Variants in PLEKHM3 observed in about 807,000 individuals in gnomAD.
PLEKHM3 encodes the protein pleckstrin homology domain-containing family M member 3.
A neutral mutation model predicts 81.8 loss-of-function variants in PLEKHM3; 45 were observed. The observed-to-expected ratio is 0.55, with a 90% CI of 0.43 to 0.71. The LOEUF is 0.71. PLEKHM3 is among the 30% of genes least tolerant of loss of function. The pLI is 0.00. For synonymous variants in PLEKHM3, 352 were observed against 356.4 expected (o/e 0.99, Z 0.14); for missense variants, 788 against 924.3 (o/e 0.85, Z 1.91).
intron 6 of PLEKHM3, among the ~76,000 whole-genome samples, chr2:207,869,109 T>G (rs1186379091): frequency 6.6e-6 from 1 of 152,226 alleles, no homozygotes; most frequent in African/African-American, 2.4e-5. Flanking sequence ...TACTTGTACT[T>G]AAATTAGTCA....
intron 7 of PLEKHM3, among the ~76,000 whole-genome samples, chr2:207,854,964 G>A (rs2105801869): frequency 6.6e-6 from 1 of 152,308 alleles, no homozygotes; most frequent in East Asian, 1.9e-4. Flanking sequence ...TAAAAGCCAA[G>A]TCTCACAAAA....
intron 4 of PLEKHM3, among the ~76,000 whole-genome samples, chr2:207,944,262 C>A (rs1397365993): frequency 6.6e-6 from 1 of 152,102 alleles, no homozygotes; most frequent in African/African-American, 2.4e-5. Context: ...GGAGTATGGT[C>A]CATCTGGTCA....
intron 6 of PLEKHM3, among the ~76,000 whole-genome samples, chr2:207,863,732 C>G (rs767576978): frequency 1.4e-4 from 22 of 152,116 alleles, no homozygotes; most frequent in Non-Finnish European, 2.6e-4. Flanking sequence ...CTCAGAGATG[C>G]AGCATGAGGC....
At chr2:207,914,677 G>C (rs1688925365) in intron 5 of PLEKHM3, among the ~76,000 whole-genome samples, 1 of 107,820 alleles carries the variant, frequency 9.3e-6, no homozygotes, top group African/African-American at 5.6e-5. Context: ...GCAAGACCCT[G>C]TGTCAAAAAA....
intron 1 of PLEKHM3, among the ~76,000 whole-genome samples, chr2:208,008,844 T>C (rs1692594455): frequency 6.6e-6 from 1 of 152,232 alleles, no homozygotes; most frequent in African/African-American, 2.4e-5. Flanking sequence ...TAGAGCTACA[T>C]GATGTTCTCC....
intron 3 of PLEKHM3, among the ~76,000 whole-genome samples, chr2:207,975,628 T>C (rs571885325): frequency 6.7e-5 from 9 of 135,336 alleles, no homozygotes; most frequent in African/African-American, 2.4e-4. Flanking sequence ...TGTCGCTCTG[T>C]CGCCCAGGCT....
intron 2 of PLEKHM3, among the ~76,000 whole-genome samples, chr2:207,986,074 C>A (rs529398110): frequency 6.6e-6 from 1 of 151,782 alleles, no homozygotes; most frequent in African/African-American, 2.4e-5. Flanking sequence ...CTGGGCTGCC[C>A]GGGTCAGAAT....
intron 5 of PLEKHM3, among the ~76,000 whole-genome samples, chr2:207,913,079 A>G (rs1241231255): frequency 6.6e-6 from 1 of 152,084 alleles, no homozygotes; most frequent in Admixed American, 6.5e-5. Context: ...GATTCCCAGG[A>G]GCCAGTTTGC....
Position 208,002,393 on chromosome 2 carries a change from T to C in PLEKHM3, c.-318-436A>G, listed in dbSNP as rs538419508. 7.9e-5 allele frequency among the ~76,000 whole-genome samples: 12 copies of C among 152,332 alleles called. 1 individual carries two copies. In the Middle Eastern group the frequency reaches 0.02, roughly 259 times the overall value. ...ACTGATGATTTGTTGGGTTTAAAGG[T>C]ACCACAGGGAAGCAGAGAAGGAGGT... is the stretch of plus-strand genomic sequence containing the variant. On this transcript the variant is annotated intron_variant, in intron 1 of 7. Coordinates refer to ENST00000427836, the MANE Select transcript of PLEKHM3 (RefSeq NM_001080475.3).
intron 3 of PLEKHM3, among the ~76,000 whole-genome samples, chr2:207,948,928 T>G (rs939567277): frequency 1.3e-5 from 2 of 151,962 alleles, no homozygotes; most frequent in Non-Finnish European, 2.9e-5. Context: ...CCGCCTGCCT[T>G]GGACTCCCAA....
chr2:207,865,801 A>AATATATATATATAT, intron 6 of PLEKHM3, among the ~76,000 whole-genome samples: 1 of 25,300 alleles, frequency 4.0e-5, no homozygotes, highest in African/African-American at 2.1e-4. Flanking sequence ...AAAAAAAAAA[A>AATATATATATATAT]AGATATATAT....
At chr2:207,915,468 AAG>A (rs1688957492) in intron 5 of PLEKHM3, among the ~76,000 whole-genome samples, 1 of 152,116 alleles carries the variant, frequency 6.6e-6, no homozygotes. Flanking sequence ...CACGAGAAAA[AAG>A]GGATTGGGGT....
intron 6 of PLEKHM3, among the ~76,000 whole-genome samples, chr2:207,893,201 A>G (rs1688113675): frequency 6.6e-6 from 1 of 152,216 alleles, no homozygotes; most frequent in Non-Finnish European, 1.5e-5. Flanking sequence ...TGCCACAACT[A>G]TTTTGGCCCT....
chr2:207,847,096 G>A (rs1418491352), intron 7 of PLEKHM3, among the ~76,000 whole-genome samples: 1 of 152,162 alleles, frequency 6.6e-6, no homozygotes, highest in African/African-American at 2.4e-5. Context: ...TAGAAGCTTG[G>A]TAAGAAATGT....
chr2:207,860,251 G>T (rs1279420584), intron 7 of PLEKHM3, among the ~76,000 whole-genome samples: 2 of 150,468 alleles, frequency 1.3e-5, no homozygotes, highest in African/African-American at 4.9e-5. Context: ...CTGTGTGTGG[G>T]CCAACCCAAA....
At chr2:207,953,246 C>G (rs1360463203) in intron 3 of PLEKHM3, among the ~76,000 whole-genome samples, 27 of 152,170 alleles carry the variant, frequency 1.8e-4, no homozygotes, top group South Asian at 2.1e-4. Context: ...TCTCCATAAG[C>G]CTTTAAGTCC....
rs1266968597 is a variant in PLEKHM3 at position 207,824,603 on chromosome 2, G to C, written c.*3716C>G. On this transcript the variant is annotated 3_prime_UTR_variant, in exon 8 of 8. Coordinates refer to ENST00000427836, the MANE Select transcript of PLEKHM3 (RefSeq NM_001080475.3). ...ACTAATTTATGGACGGCCTTTTCTAGCCAATGGGTAGAGAACAAACTCCCA... is the reference window on the plus strand; with the variant it reads ...ACTAATTTATGGACGGCCTTTTCTACCCAATGGGTAGAGAACAAACTCCCA... 6.6e-6 allele frequency: 1 copy of C among 152,230 alleles called. No individual in the cohort carries two copies. The highest frequency in any genetic ancestry group is 1.5e-5 in the Non-Finnish European group (1 of 68,050). The allele number at this position is 152,230 out of a possible 1,614,324, so 9.4% of individuals were successfully genotyped here.
chr2:207,968,738 T>C (rs1691010909), intron 3 of PLEKHM3, among the ~76,000 whole-genome samples: 1 of 152,230 alleles, frequency 6.6e-6, no homozygotes, highest in African/African-American at 2.4e-5. Context: ...TATTCAAAGT[T>C]GGAAAAATAA....
At chr2:207,873,119 A>C (rs921998599) in intron 6 of PLEKHM3, among the ~76,000 whole-genome samples, 2 of 152,140 alleles carry the variant, frequency 1.3e-5, no homozygotes, top group African/African-American at 4.8e-5. Flanking sequence ...CAATAATAAT[A>C]ATAATAACAA....
Sources: allele counts gnomAD v4.1 joint callset (sites outside exome capture counted in the v4.1 genomes callset), GRCh38; gene constraint gnomAD v4.1.1; transcripts MANE v1.5; gene names NCBI Gene and HGNC (gene_info 2026-07-23, HGNC 2026-07-21).